Variants in IL1RAPL1 observed in about 807,000 individuals in gnomAD.
The protein encoded by IL1RAPL1 is interleukin-1 receptor accessory protein-like 1.
IL1RAPL1 carries 3 observed loss-of-function variants against 48.4 expected under a neutral mutation model. The observed-to-expected ratio is 0.06, with a 90% CI of 0.03 to 0.16. The LOEUF (loss-of-function observed/expected upper bound fraction) is 0.16, where lower values mean the gene tolerates loss of function less well. IL1RAPL1 is among the 10% of genes least tolerant of loss of function. The pLI is 1.00. For missense variants in IL1RAPL1, 349 were observed against 530.6 expected, an observed-to-expected ratio of 0.66 and a Z score of 3.36; for synonymous variants, 185 against 187.7, an observed-to-expected ratio of 0.99 and a Z score of 0.12.
chrX:29,808,423 A>G (rs1930303942), intron 6 of IL1RAPL1, among the ~76,000 whole-genome samples: 1 of 111,573 alleles, frequency 9.0e-6, no homozygotes, highest in Non-Finnish European at 1.9e-5. Flanking sequence ...AATAATACCA[A>G]TGTTTTAAAA....
intron 2 of IL1RAPL1, among the ~76,000 whole-genome samples, chrX:28,795,262 A>T (rs1936596782): frequency 8.9e-6 from 1 of 111,816 alleles, no homozygotes; most frequent in Non-Finnish European, 1.9e-5. Flanking sequence ...CTTTGAAATT[A>T]TGTCCTTAAA....
At chrX:29,489,078 T>C (rs1935128171) in intron 5 of IL1RAPL1, among the ~76,000 whole-genome samples, 1 of 111,590 alleles carries the variant, frequency 9.0e-6, no homozygotes, top group African/African-American at 3.3e-5. Context: ...TTGAGATTGA[T>C]AACAGGAACT....
intron 2 of IL1RAPL1, among the ~76,000 whole-genome samples, chrX:29,212,911 G>A (rs1930797010): frequency 8.9e-6 from 1 of 112,163 alleles, no homozygotes; most frequent in African/African-American, 3.2e-5. Context: ...AGATGGCAGA[G>A]GCAGAAGAAA....
At chrX:29,693,373 G>C (rs909936160) in intron 6 of IL1RAPL1, among the ~76,000 whole-genome samples, 1 of 112,077 alleles carries the variant, frequency 8.9e-6, no homozygotes, top group African/African-American at 3.2e-5. Context: ...TTCTGCTGCC[G>C]TGGTGTCCTT....
chrX:29,379,681 A>T (rs1321980361), intron 3 of IL1RAPL1, among the ~76,000 whole-genome samples: 1 of 111,691 alleles, frequency 9.0e-6, no homozygotes, highest in Non-Finnish European at 1.9e-5. Flanking sequence ...ACGTTCAGGT[A>T]CCTTATACAC....
At chrX:28,803,566 C>T (rs777318945) in intron 2 of IL1RAPL1, among the ~76,000 whole-genome samples, 17 of 111,547 alleles carry the variant, frequency 1.5e-4, no homozygotes, top group Non-Finnish European at 3.0e-4. Context: ...GTTATAAATG[C>T]GTTTTCAAAC....
At chrX:29,121,609 C>CA (rs1234325724) in intron 2 of IL1RAPL1, among the ~76,000 whole-genome samples, 2 of 111,625 alleles carry the variant, frequency 1.8e-5, no homozygotes, top group African/African-American at 3.3e-5. Context: ...GCAACAATAA[C>CA]AAAAAAACAC....
At chrX:28,673,802 T>G (rs751621795) in intron 1 of IL1RAPL1, among the ~76,000 whole-genome samples, 1 of 111,822 alleles carries the variant, frequency 8.9e-6, no homozygotes, top group South Asian at 3.8e-4. Context: ...AATGTGTAAA[T>G]GAAGGTACCT....
Position 29,224,824 on chromosome X carries a change from T to C in IL1RAPL1, c.83-58114T>C, listed in dbSNP as rs759524330. 9.8e-5 allele frequency among the ~76,000 whole-genome samples: 11 copies of C among 112,355 alleles called. No homozygotes were observed. In the East Asian group the frequency reaches 2.8e-3, roughly 28 times the overall value. On this transcript the variant is annotated intron_variant, in intron 2 of 10. Transcript: ENST00000378993. ...TCTACTGTAAAGGCAAGTTATCATATGCTAAACAACATAAAAATGACTGAA... is the reference window on the plus strand; with the variant it reads ...TCTACTGTAAAGGCAAGTTATCATACGCTAAACAACATAAAAATGACTGAA...
At chrX:28,675,898 C>T (rs1333676768) in intron 1 of IL1RAPL1, among the ~76,000 whole-genome samples, 2 of 112,093 alleles carry the variant, frequency 1.8e-5, no homozygotes, top group East Asian at 2.8e-4. Context: ...TGTAACTGGG[C>T]AGCTCCAAGT....
chrX:28,840,576 C>G (rs992685492), intron 2 of IL1RAPL1, among the ~76,000 whole-genome samples: 2 of 110,577 alleles, frequency 1.8e-5, no homozygotes, highest in Non-Finnish European at 3.8e-5. Context: ...TAAACATGTA[C>G]AATTAATTTA....
At chrX:29,550,500 A>G (rs1410586214) in intron 5 of IL1RAPL1, among the ~76,000 whole-genome samples, 1 of 112,299 alleles carries the variant, frequency 8.9e-6, no homozygotes, top group East Asian at 2.8e-4. Context: ...ATTCTACTCA[A>G]TCCAAGTAAA....
At chrX:29,473,597 C>A (rs1342785239) in intron 5 of IL1RAPL1, among the ~76,000 whole-genome samples, 1 of 91,967 alleles carries the variant, frequency 1.1e-5, no homozygotes, top group African/African-American at 3.9e-5. Flanking sequence ...CCCCGCCCCC[C>A]ACCCCCCACG....
intron 2 of IL1RAPL1, among the ~76,000 whole-genome samples, chrX:28,890,390 T>C (rs775742522): frequency 8.9e-6 from 1 of 111,773 alleles, no homozygotes; most frequent in African/African-American, 3.2e-5. Context: ...ATGAGGAGTT[T>C]TTAATATAGA....
At chrX:29,802,003 G>A (rs753560463) in intron 6 of IL1RAPL1, among the ~76,000 whole-genome samples, 5 of 111,822 alleles carry the variant, frequency 4.5e-5, no homozygotes, top group East Asian at 2.8e-4. Context: ...TTAATACATC[G>A]TAGTTTTAAA....
intron 6 of IL1RAPL1, among the ~76,000 whole-genome samples, chrX:29,790,600 G>T (rs1349464406): frequency 9.0e-6 from 1 of 111,717 alleles, no homozygotes; most frequent in African/African-American, 3.2e-5. Context: ...AATTAAACCG[G>T]ATTTTAGATA....
At chrX:28,894,496 C>T (rs912773426) in intron 2 of IL1RAPL1, among the ~76,000 whole-genome samples, 8 of 111,045 alleles carry the variant, frequency 7.2e-5, no homozygotes, top group African/African-American at 2.0e-4. Context: ...ATGTGGGAGG[C>T]CAGATTGAAG....
At chrX:29,871,342 G>A (rs981230271) in intron 6 of IL1RAPL1, among the ~76,000 whole-genome samples, 1 of 112,011 alleles carries the variant, frequency 8.9e-6, no homozygotes, top group East Asian at 2.8e-4. Flanking sequence ...AGACATCCTT[G>A]GGGGACCATT....
chrX:29,168,630 TAC>T (rs200627300), intron 2 of IL1RAPL1, among the ~76,000 whole-genome samples: 4,128 of 53,744 alleles, frequency 0.077, 1,054 homozygotes, highest in Non-Finnish European at 0.17. Flanking sequence ...TTCATATATA[TAC>T]ATCTATTGTA....
Sources: allele counts gnomAD v4.1 joint callset (sites outside exome capture counted in the v4.1 genomes callset), GRCh38; gene constraint gnomAD v4.1.1; transcripts MANE v1.5; gene names NCBI Gene and HGNC (gene_info 2026-07-23, HGNC 2026-07-21).